The following RFC3 variants were observed in gnomAD, a reference collection of about 807,000 sequenced individuals.
RFC3 encodes replication factor C subunit 3.
In RFC3, 41 loss-of-function variants were observed where a neutral mutation model predicts 45.1. That is an observed-to-expected ratio of 0.91 (90% CI 0.71 to 1.18). The LOEUF is 1.18. Among genes scored for constraint, RFC3 ranks in the 50% most tolerant of loss-of-function variants. The probability of loss-of-function intolerance (pLI) is 0.00; values close to 1 mark genes in which losing one functional copy is unlikely to be tolerated. For synonymous variants in RFC3, 149 were observed against 144.0 expected (o/e 1.03, Z -0.25); for missense variants, 423 against 428.1 (o/e 0.99, Z 0.10).
chr13:33,956,009 CAA>C (rs2083019632), intron 8 of RFC3, among the ~76,000 whole-genome samples: 2 of 152,174 alleles, frequency 1.3e-5, no homozygotes, highest in South Asian at 4.1e-4. Flanking sequence ...AAAAAATTAA[CAA>C]AGTTTAACAA....
At chr13:33,873,208 G>A (rs967770911) in intron 8 of RFC3, among the ~76,000 whole-genome samples, 1 of 152,184 alleles carries the variant, frequency 6.6e-6, no homozygotes, top group African/African-American at 2.4e-5. Context: ...GGGTTGTGGA[G>A]CCCAGGGACA....
chr13:33,933,107 C>G (rs890075353), intron 8 of RFC3, among the ~76,000 whole-genome samples: 1 of 152,142 alleles, frequency 6.6e-6, no homozygotes, highest in Non-Finnish European at 1.5e-5. Context: ...AGCTTTGAGA[C>G]AGCTGCTCAG....
Position 33,879,819 on chromosome 13 carries a change from G to A in RFC3, c.879+44602G>A, listed in dbSNP as rs541662707. 5.9e-5 allele frequency among the ~76,000 whole-genome samples: 9 copies of A among 152,258 alleles called. No individual in the cohort carries two copies. In the South Asian group the frequency reaches 1.7e-3, roughly 28 times the overall value. Reference sequence around the variant, plus strand: ...TTGAGCTAAAACCAAGGTGTTGGCAGGGTTCTGTTCCTTTTTGGAGACTCT... The same window carrying A: ...TTGAGCTAAAACCAAGGTGTTGGCAAGGTTCTGTTCCTTTTTGGAGACTCT... On this transcript the variant is annotated intron_variant, in intron 8 of 8. Coordinates refer to the RFC3 transcript ENST00000434425.
rs1265582795 is a variant in RFC3 at position 33,907,213 on chromosome 13, TG to T, written c.880-58871del. ...CTAATCATTTGTGGGGTAGAGACTT[TG>T]GGTAATATGTTCTATTCCTAAACCC... On this transcript the variant is annotated intron_variant, in intron 8 of 8. Coordinates refer to the RFC3 transcript ENST00000434425. Among the ~76,000 whole-genome samples the T allele has an allele frequency of 3.3e-5, 5 of 152,200 alleles. No homozygotes were observed. In the East Asian group the frequency reaches 9.7e-4, roughly 30 times the overall value.
At chr13:33,916,435 A>G (rs9598298) in intron 8 of RFC3, among the ~76,000 whole-genome samples, 28,897 of 152,194 alleles carry the variant, frequency 0.19, 3,870 homozygotes, top group African/African-American at 0.35. Context: ...CTTTGGTGAC[A>G]GAAACAGATG....
At chr13:33,854,380 A>G (rs938503521) in intron 8 of RFC3, among the ~76,000 whole-genome samples, 2 of 152,226 alleles carry the variant, frequency 1.3e-5, no homozygotes, top group African/African-American at 4.8e-5. Flanking sequence ...GACTGGTTTA[A>G]GAAGTAGACT....
chr13:33,954,381 A>G (rs1023641145), intron 8 of RFC3, among the ~76,000 whole-genome samples: 1 of 152,228 alleles, frequency 6.6e-6, no homozygotes, highest in Non-Finnish European at 1.5e-5. Context: ...TCAAATGTCC[A>G]TGAGCTTTAT....
chr13:33,820,597 T>C (rs545966621), intron 1 of RFC3, among the ~76,000 whole-genome samples: 2 of 152,214 alleles, frequency 1.3e-5, no homozygotes, highest in East Asian at 3.9e-4. Context: ...CACTCTCCTA[T>C]GAAGTTTTCC....
chr13:33,835,470 G>T, intron 8 of RFC3: 1 of 650,658 alleles, frequency 1.5e-6, no homozygotes, highest in East Asian at 3.2e-5. Flanking sequence ...GAGAATTTCA[G>T]AGTGTTGTAA....
At chr13:33,865,194 C>T (rs1332969886) in intron 8 of RFC3, among the ~76,000 whole-genome samples, 2 of 152,004 alleles carry the variant, frequency 1.3e-5, no homozygotes, top group East Asian at 3.9e-4. Flanking sequence ...TCACAGTGCA[C>T]AGTAATCCTC....
chr13:33,962,621 A>G (rs901788945), intron 8 of RFC3, among the ~76,000 whole-genome samples: 7 of 152,368 alleles, frequency 4.6e-5, no homozygotes, highest in South Asian at 2.1e-4. Flanking sequence ...TGAGATGCTC[A>G]TGCAACAAAA....
chr13:33,935,413 T>G (rs1377310612), intron 8 of RFC3, among the ~76,000 whole-genome samples: 2 of 152,184 alleles, frequency 1.3e-5, no homozygotes, highest in Admixed American at 6.5e-5. Context: ...TTGCTAGAGA[T>G]TGGATGAAAT....
intron 8 of RFC3, among the ~76,000 whole-genome samples, chr13:33,934,411 G>A (rs759953803): frequency 1.3e-5 from 2 of 152,126 alleles, no homozygotes; most frequent in African/African-American, 2.4e-5. Context: ...GTAAGAGGGA[G>A]AAGGAAGCAA....
At chr13:33,850,528 GAAAT>G (rs759693794) in intron 8 of RFC3, 10 of 151,976 alleles carry the variant, frequency 6.6e-5, no homozygotes, top group African/African-American at 9.7e-5. Context: ...TAAATTAATT[GAAAT>G]AAATTATGTT....
At chr13:33,901,511 G>C (rs1386717251) in intron 8 of RFC3, among the ~76,000 whole-genome samples, 1 of 152,006 alleles carries the variant, frequency 6.6e-6, no homozygotes, top group African/African-American at 2.4e-5. Context: ...ATAGAGAGTA[G>C]ACTGGCAGTT....
intron 8 of RFC3, among the ~76,000 whole-genome samples, chr13:33,927,634 C>T (rs1593698350): frequency 1.3e-5 from 2 of 152,240 alleles, no homozygotes; most frequent in South Asian, 2.1e-4. Flanking sequence ...TGTGAGAGCC[C>T]TCCCATCATG....
At chr13:33,944,575 G>A (rs1271837518) in intron 8 of RFC3, among the ~76,000 whole-genome samples, 2 of 152,090 alleles carry the variant, frequency 1.3e-5, no homozygotes, top group Admixed American at 6.6e-5. Flanking sequence ...TTTTAAACAC[G>A]GGATGAAAAT....
chr13:33,836,831 CT>C lies in RFC3; in HGVS notation c.*540del. The C allele has an allele frequency of 1.0e-6, 1 of 985,760 alleles. No individual in the cohort carries two copies. The allele number at this position is 985,760 out of a possible 1,614,324, so 61.1% of individuals were successfully genotyped here. A position where few individuals can be genotyped will look rare whatever the true frequency, so the allele number is the denominator to read the frequency against. ...TTCTGTTGAGGCTGCAGATTTCCAA[CT>C]TTTATTTCAGTGGTTCAGATTAGTA... On this transcript the variant is annotated 3_prime_UTR_variant, in exon 9 of 9. Transcript: ENST00000380071.
chr13:33,856,927 C>T (rs999623106), intron 8 of RFC3, among the ~76,000 whole-genome samples: 6 of 152,102 alleles, frequency 3.9e-5, no homozygotes, highest in East Asian at 1.9e-4. Context: ...ACTGGAGGAA[C>T]CTCAACTCTA....
Sources: gnomAD v4.1 joint callset for allele counts (sites outside exome capture counted in the v4.1 genomes callset) on GRCh38, gnomAD v4.1.1 for gene constraint, MANE v1.5 for transcripts, NCBI Gene and HGNC (gene_info 2026-07-23, HGNC 2026-07-21) for gene names.